UTRN: variants seen among roughly 807,000 people sequenced by gnomAD.
UTRN encodes utrophin.
A neutral mutation model predicts 463.9 loss-of-function variants in UTRN; 283 were observed. That is an observed-to-expected ratio of 0.61 (90% CI 0.55 to 0.67). The LOEUF (loss-of-function observed/expected upper bound fraction) is 0.67, where lower values mean the gene tolerates loss of function less well. UTRN is among the 30% of genes least tolerant of loss of function. The pLI is 0.00. For missense variants in UTRN, 3,922 were observed against 4,084.3 expected, an observed-to-expected ratio of 0.96 and a Z score of 1.08; for synonymous variants, 1,442 against 1,431.5, an observed-to-expected ratio of 1.01 and a Z score of -0.17.
chr6:144,533,263 G>C lies in UTRN; in HGVS notation c.6233+3G>C. ...GAAGTGAAGGATAGGCAGCCAAGGT[G>C]ATTTAGCTATGATTGTTTGCAGGCA... On this transcript the variant is annotated splice_donor_region_variant and intron_variant, in intron 43 of 74. Coordinates refer to ENST00000367545, the MANE Select transcript of UTRN (RefSeq NM_007124.3). 6.2e-7 allele frequency: 1 copy of C among 1,613,762 alleles called. No homozygotes were observed. The highest frequency in any genetic ancestry group is 8.5e-7 in the Non-Finnish European group (1 of 1,179,810).
At chr6:144,461,434 A>G (rs929118624) in intron 22 of UTRN, 92 bp downstream of exon 22, 1 of 1,321,012 alleles carries the variant, frequency 7.6e-7, no homozygotes, top group Non-Finnish European at 9.8e-7. Flanking sequence ...TTAAAAAAAA[A>G]GTTGGTCAGT....
At chr6:144,594,176 G>A (rs1365750440) in intron 51 of UTRN, among the ~76,000 whole-genome samples, 1 of 152,156 alleles carries the variant, frequency 6.6e-6, no homozygotes, top group Non-Finnish European at 1.5e-5. Context: ...AGAGTTTATG[G>A]AAATTGTAGA....
chr6:144,425,287 A>G (rs1414706874), intron 6 of UTRN, among the ~76,000 whole-genome samples: 2 of 152,150 alleles, frequency 1.3e-5, no homozygotes, highest in African/African-American at 4.8e-5. Flanking sequence ...AGTTCTTCTT[A>G]GTGCATCATA....
At chr6:144,411,514 G>T (rs187522112) in intron 3 of UTRN, among the ~76,000 whole-genome samples, 2 of 152,042 alleles carry the variant, frequency 1.3e-5, no homozygotes, top group Non-Finnish European at 2.9e-5. Flanking sequence ...CCCCACAGTG[G>T]TTTCTTATCA....
At chr6:144,753,582 G>T (rs1036078781) in intron 56 of UTRN, among the ~76,000 whole-genome samples, 1 of 151,976 alleles carries the variant, frequency 6.6e-6, no homozygotes, top group East Asian at 1.9e-4. Context: ...TTGTGCCACC[G>T]CACTCCAGCC....
intron 65 of UTRN, among the ~76,000 whole-genome samples, chr6:144,816,053 A>G (rs1779047143): frequency 1.3e-5 from 2 of 152,164 alleles, no homozygotes; most frequent in Admixed American, 1.3e-4. Flanking sequence ...GTCTTGACAA[A>G]AGTCTGCTGC....
At chr6:144,368,781 G>T (rs566069527) in intron 2 of UTRN, among the ~76,000 whole-genome samples, 1 of 151,788 alleles carries the variant, frequency 6.6e-6, no homozygotes, top group African/African-American at 2.4e-5. Context: ...GAAAAAAAAA[G>T]GATTATAAAT....
At chr6:144,661,368 G>A (rs1779844757) in intron 51 of UTRN, among the ~76,000 whole-genome samples, 1 of 152,162 alleles carries the variant, frequency 6.6e-6, no homozygotes, top group Non-Finnish European at 1.5e-5. Context: ...GGAGAGAGAA[G>A]AATTTAGCTC....
At chr6:144,646,709 G>A (rs1418054049) in intron 51 of UTRN, among the ~76,000 whole-genome samples, 2 of 151,972 alleles carry the variant, frequency 1.3e-5, no homozygotes, top group African/African-American at 4.8e-5. Context: ...ATGTATCAGG[G>A]GGCGGCTTTT....
intron 53 of UTRN, among the ~76,000 whole-genome samples, chr6:144,723,846 T>C (rs1358590571): frequency 1.3e-5 from 2 of 150,332 alleles, no homozygotes; most frequent in Non-Finnish European, 3.0e-5. Context: ...TACAAAAACG[T>C]ATGTAAAAAA....
chr6:144,737,977 A>G (rs1789620734), intron 54 of UTRN, among the ~76,000 whole-genome samples: 2 of 152,144 alleles, frequency 1.3e-5, no homozygotes, highest in South Asian at 4.1e-4. Flanking sequence ...AGCCGATCAT[A>G]CAGTATGATT....
chr6:144,553,054 T>C (rs991147309), intron 48 of UTRN, among the ~76,000 whole-genome samples: 10 of 152,212 alleles, frequency 6.6e-5, no homozygotes, highest in African/African-American at 2.2e-4. Flanking sequence ...TTTTTGTTTT[T>C]TGAGATGGAG....
intron 50 of UTRN, among the ~76,000 whole-genome samples, chr6:144,572,555 A>G (rs1386894067): frequency 1.3e-5 from 2 of 149,078 alleles, no homozygotes; most frequent in African/African-American, 5.0e-5. Context: ...CTTGCCCCCC[A>G]CCCCCTGACA....
chr6:144,752,033 C>T (rs1410038817), intron 56 of UTRN, 81 bp downstream of exon 56: 20 of 1,312,752 alleles, frequency 1.5e-5, no homozygotes, highest in Middle Eastern at 2.0e-4. Context: ...TACCACTCAC[C>T]GTTTTCTCTT....
chr6:144,382,923 G>A (rs940900103), intron 2 of UTRN, among the ~76,000 whole-genome samples: 6 of 152,064 alleles, frequency 3.9e-5, no homozygotes, highest in African/African-American at 1.2e-4. Flanking sequence ...GGACATGTCA[G>A]GCTTATTTTA....
At position 144,751,864 on chromosome 6, in the gene UTRN, C is replaced by A; in HGVS notation, c.8267C>A (p.Ser2756Tyr). Residue 2756 changes from serine to tyrosine, a missense_variant, in exon 56 of 75, where the codon TCC (serine) becomes TAC (tyrosine). Around this residue, in one of 3 missense-constraint regions of UTRN, gnomAD observed 1,309 missense variants for 1,452.6 expected, o/e 0.90. Transcript: ENST00000367545. ...NFKVKTVNDL[S>Y]SQLSPLDLHP... is the part of the protein sequence containing the mutation. ...AAAGTTAAAACGGTGAATGATTTATCCAGTCAGCTGTCTCCACTTGACCTG... is the reference window on the plus strand; with the variant it reads ...AAAGTTAAAACGGTGAATGATTTATACAGTCAGCTGTCTCCACTTGACCTG... The A allele has an allele frequency of 2.5e-6, 4 of 1,612,134 alleles. No homozygotes were observed. The highest frequency in any genetic ancestry group is 3.4e-6 in the Non-Finnish European group (4 of 1,179,088).
At chr6:144,387,892 T>C (rs7745285) in intron 2 of UTRN, among the ~76,000 whole-genome samples, 30,489 of 152,068 alleles carry the variant, frequency 0.2, 4,970 homozygotes, top group African/African-American at 0.44. Context: ...CCCTTATTCT[T>C]ACCATCCTCC....
At chr6:144,713,986 C>T (rs924494403) in intron 53 of UTRN, among the ~76,000 whole-genome samples, 1 of 149,282 alleles carries the variant, frequency 6.7e-6, no homozygotes, top group Non-Finnish European at 1.5e-5. Flanking sequence ...AAAAGAATTT[C>T]TGTCTCATTT....
chr6:144,770,106 G>A (rs1362773963), intron 58 of UTRN, among the ~76,000 whole-genome samples: 2 of 152,142 alleles, frequency 1.3e-5, no homozygotes, highest in African/African-American at 4.8e-5. Context: ...TCTCTGCATT[G>A]GAGTCAAGAA....
Sources: gnomAD v4.1 joint callset for allele counts (sites outside exome capture counted in the v4.1 genomes callset) on GRCh38, gnomAD v4.1.1 for gene constraint, gnomAD v4.1.1 regional missense constraint, MANE v1.5 for transcripts, NCBI Gene and HGNC (gene_info 2026-07-23, HGNC 2026-07-21) for gene names.